Variants in TTN observed in about 807,000 individuals in gnomAD.
The protein encoded by TTN is connectin.
In TTN, 1,525 loss-of-function variants were observed where a neutral mutation model predicts 3,223.0. The observed-to-expected ratio is 0.47, with a 90% CI of 0.45 to 0.49. TTN has a LOEUF of 0.49. Ranked by LOEUF, TTN falls within the 20% of genes least tolerant of loss-of-function variation. TTN has a pLI of 0.00. For missense variants in TTN, 40,786 were observed against 43,424.0 expected, an observed-to-expected ratio of 0.94 and a Z score of 5.40; for synonymous variants, 14,094 against 15,161.0, an observed-to-expected ratio of 0.93 and a Z score of 5.17.
chr2:178,587,266 G>T lies in TTN; in HGVS notation c.63945C>A (p.Thr21315=), dbSNP rs780195785. The T allele has an allele frequency of 1.9e-6, 3 of 1,612,968 alleles. No individual in the cohort carries two copies. In the East Asian group the frequency reaches 6.7e-5, roughly 36 times the overall value. Residue 21315 remains threonine (T), a synonymous_variant, in exon 307 of 363, where the codon ACC becomes ACA. Coordinates refer to ENST00000589042, the MANE Select transcript of TTN (RefSeq NM_001267550.2). ...TTGTTTTCTTAACTTCTGGGGTAAC[G>T]GTCGACCATGTCTTTCTGTCTGCCT... ...KREADRKTWS[T]VTPEVKKTSF... is the part of the protein sequence containing the mutation.
Position 178,550,215 on chromosome 2 carries a change from T to A in TTN, c.91623A>T (p.Gly30541=). The change falls in exon 337 of 363, where the codon GGA becomes GGT. Residue 30541 remains glycine, a synonymous_variant. Transcript: ENST00000589042. ...EYFDGLIIKS[G]ESLRIKALVQ... ...CCAAAGCTTTAATTCTAAGGCTCTCTCCGGACTTAATAATGAGACCATCAA... is the reference window on the plus strand; with the variant it reads ...CCAAAGCTTTAATTCTAAGGCTCTCACCGGACTTAATAATGAGACCATCAA... The A allele has an allele frequency of 1.2e-6, 2 of 1,613,636 alleles. No homozygotes were observed. The highest frequency in any genetic ancestry group is 1.7e-6 in the Non-Finnish European group (2 of 1,179,684).
chr2:178,667,497 T>C lies in TTN; in HGVS notation c.35658A>G (p.Pro11886=), dbSNP rs1229739014. The C allele has an allele frequency of 6.3e-7, 1 of 1,598,602 alleles. No homozygotes were observed. The highest frequency in any genetic ancestry group is 8.5e-7 in the Non-Finnish European group (1 of 1,179,216). Residue 11886 remains proline, a synonymous_variant, in exon 161 of 363, where the codon CCA becomes CCG. Transcript: ENST00000589042. ...GAATAGTCACATATATTTTGTCTTCTGGAACAACTTTCTTGGGTGGCTCAG... is the reference window on the plus strand; with the variant it reads ...GAATAGTCACATATATTTTGTCTTCCGGAACAACTTTCTTGGGTGGCTCAG... ...KVPEPPKKVV[P]EDKIYVTIPK...
At position 178,549,277 on chromosome 2, in the gene TTN, A is replaced by G. The variant is rs548756476; in HGVS notation, c.92349T>C (p.Thr30783=). The G allele has an allele frequency of 1.2e-6, 2 of 1,613,942 alleles. No individual in the cohort carries two copies. The highest frequency in any genetic ancestry group is 1.1e-5 in the South Asian group (1 of 91,084). The change falls in exon 339 of 363, where the codon ACT becomes ACC. Residue 30783 remains threonine (T), a synonymous_variant. Coordinates refer to ENST00000589042, the MANE Select transcript of TTN (RefSeq NM_001267550.2). ...CATACTCATTGCCTTCTGTCAGACC[A>G]GTGACTTTGAATCTTGTTTCAGAGA... is the stretch of plus-strand genomic sequence containing the variant. The part of the protein sequence containing the change: ...RPISETRFKV[T]GLTEGNEYEF...
At chr2:178,780,630 G>A (rs976443438) in intron 21 of TTN, among the ~76,000 whole-genome samples, 2 of 152,228 alleles carry the variant, frequency 1.3e-5, no homozygotes, top group Non-Finnish European at 2.9e-5. Context: ...AGTCTAGCAT[G>A]AAAGCTGTTA....
At position 178,547,267 on chromosome 2, in the gene TTN, C is replaced by T. The variant is rs1697609809; in HGVS notation, c.94258G>A (p.Val31420Met). 6.2e-7 allele frequency: 1 copy of T among 1,613,430 alleles called. No individual in the cohort carries two copies. The highest frequency in any genetic ancestry group is 8.5e-7 in the Non-Finnish European group (1 of 1,179,486). Residue 31420 changes from valine to methionine, a missense_variant, in exon 340 of 363, where the codon GTG becomes ATG. Coordinates refer to ENST00000589042, the MANE Select transcript of TTN (RefSeq NM_001267550.2). Reference protein sequence around the residue: ...SAPTRPEVYHVSANAMSIRWE... With the variant: ...SAPTRPEVYHMSANAMSIRWE... ...CGAATAGACATGGCATTGGCAGACACATGGTAGACCTCAGGTCTGGTAGGA... is the reference window on the plus strand; with the variant it reads ...CGAATAGACATGGCATTGGCAGACATATGGTAGACCTCAGGTCTGGTAGGA...
rs759613472 is a variant in TTN, at chr2:178,593,229, A to G, written c.58979T>C (p.Ile19660Thr). 6.2e-7 allele frequency: 1 copy of G among 1,613,442 alleles called. No homozygotes were observed. The highest frequency in any genetic ancestry group is 8.5e-7 in the Non-Finnish European group (1 of 1,179,612). The change falls in exon 299 of 363, where the codon ATT becomes ACT. Residue 19660 changes from isoleucine to threonine, a missense_variant. Coordinates refer to ENST00000589042, the MANE Select transcript of TTN (RefSeq NM_001267550.2). ...TGGTGGGCTTGGATCTCCAATACCA[A>G]TTTCATTTTCTGCAGAAACCCGGAA... ...YEFRVSAENE[I>T]GIGDPSPPSK... is the part of the protein sequence containing the mutation.
rs1223885458 is a variant in TTN at position 178,543,250 on chromosome 2, G to C, written c.96723C>G (p.Ala32241=). 1 of 1,613,728 alleles carries C rather than the reference G, an allele frequency of 6.2e-7. No homozygotes were observed. The highest frequency in any genetic ancestry group is 1.3e-5 in the African/African-American group (1 of 74,984). The change falls in exon 347 of 363, where the codon GCC becomes GCG. Residue 32241 remains alanine, a synonymous_variant. Coordinates refer to ENST00000589042, the MANE Select transcript of TTN (RefSeq NM_001267550.2). ...TCCATCTCTCTGTGCCAGCTTTGCA[G>C]GCCTCGAGAACATATCCAGTGAGTC... ...GSRLTGYVLE[A]CKAGTERWMK... is the part of the protein sequence containing the mutation.
chr2:178,564,007 C>A lies in TTN; in HGVS notation c.82125G>T (p.Gly27375=), dbSNP rs1020962821. 25 of 1,613,592 alleles carry A rather than the reference C, an allele frequency of 1.5e-5. No individual in the cohort carries two copies. Among genetic ancestry groups the A allele is most frequent in the Non-Finnish European group, 1.9e-5 (23 of 1,179,732 alleles). Residue 27375 remains glycine, a synonymous_variant, in exon 326 of 363, where the codon GGG becomes GGT. Transcript: ENST00000589042. ...CAGTAACTCCAGTAACTTTCAGAGGCCCTTCAGGAGGCCCTGGCCTGTCAA... is the reference window on the plus strand; with the variant it reads ...CAGTAACTCCAGTAACTTTCAGAGGACCTTCAGGAGGCCCTGGCCTGTCAA... ...KVLDRPGPPE[G]PLKVTGVTAE...
intron 106 of TTN, 136 bp downstream of exon 106, chr2:178,704,011 T>C: frequency 2.7e-6 from 3 of 1,130,126 alleles, no homozygotes; most frequent in South Asian, 3.5e-5. Context: ...AGATGAATAC[T>C]ATGAGAACGT....
rs755563178 is a variant in TTN at position 178,581,908 on chromosome 2, T to C, written c.66461A>G (p.Gln22154Arg). 2 of 1,612,926 alleles carry C rather than the reference T, an allele frequency of 1.2e-6. No homozygotes were observed. The highest frequency in any genetic ancestry group is 1.7e-5 in the Admixed American group (1 of 59,932). ...GGAACTCGTTCATGAACACTTACACTGAGGGTCCCGAGCATAAGCGGCCTT... is the reference window on the plus strand; with the variant it reads ...GGAACTCGTTCATGAACACTTACACCGAGGGTCCCGAGCATAAGCGGCCTT... ...ASKAAYARDP[Q>R]YPPGPPAFPK... The change falls in exon 315 of 363, where the codon CAG becomes CGG. Residue 22154 changes from glutamine (Q) to arginine (R), a missense_variant and splice_region_variant. Transcript: ENST00000589042.
In TTN at chr2:178,604,056, G is replaced by A. The variant is rs727504192; in HGVS notation, c.54631C>T (p.Pro18211Ser). 1 of 1,612,770 alleles carries A rather than the reference G, an allele frequency of 6.2e-7. No individual in the cohort carries two copies. The highest frequency in any genetic ancestry group is 1.3e-5 in the African/African-American group (1 of 74,834). ...YWLEKREEGS[P>S]YWSRVSRAPI... ...GCTCGGCTAACACGTGACCAATAAG[G>A]ACTTCCCTCTTCTCTTTTCTCCAGC... Residue 18211 changes from proline to serine, a missense_variant, in exon 282 of 363, where the codon CCT (proline) becomes TCT (serine). Coordinates refer to ENST00000589042, the MANE Select transcript of TTN (RefSeq NM_001267550.2).
chr2:178,568,219 A>G lies in TTN; in HGVS notation c.77913T>C (p.Tyr25971=), dbSNP rs72648203. 111 of 1,613,416 alleles carry G rather than the reference A, an allele frequency of 6.9e-5. No homozygotes were observed. The highest frequency in any genetic ancestry group is 8.3e-5 in the Non-Finnish European group (98 of 1,179,602). The part of the protein sequence containing the change: ...YQFRIFAENR[Y]GQSFALESDP... ...CAGACTCTAAGGCAAAGCTTTGTCC[A>G]TATCTGTTTTCGGCAAATATTCTAA... The change falls in exon 326 of 363, where the codon TAT becomes TAC. Residue 25971 remains tyrosine (Y), a synonymous_variant. Transcript: ENST00000589042.
At position 178,582,533 on chromosome 2, in the gene TTN, G is replaced by C; in HGVS notation, c.65923C>G (p.Leu21975Val). The change falls in exon 314 of 363, where the codon CTT (leucine) becomes GTT (valine). Residue 21975 changes from leucine to valine, a missense_variant. By Grantham distance (32) the Leu-to-Val change is conservative. Coordinates refer to ENST00000589042, the MANE Select transcript of TTN (RefSeq NM_001267550.2). ...TCTTCAAGAGGCGGTTCCCAAGAAAGCATAGCACGATCTGAATACATTTTG... is the reference window on the plus strand; with the variant it reads ...TCTTCAAGAGGCGGTTCCCAAGAAACCATAGCACGATCTGAATACATTTTG... ...INKMYSDRAM[L>V]SWEPPLEDGG... is the part of the protein sequence containing the mutation. 6.2e-7 allele frequency: 1 copy of C among 1,612,900 alleles called. No homozygotes were observed. Among genetic ancestry groups the C allele is most frequent in the Non-Finnish European group, 8.5e-7 (1 of 1,179,264 alleles).
At position 178,702,632 on chromosome 2, in the gene TTN, C is replaced by G. The variant is rs1207728802; in HGVS notation, c.30255G>C (p.Gln10085His). The G allele has an allele frequency of 2.5e-6, 4 of 1,613,788 alleles. No individual in the cohort carries two copies. Among genetic ancestry groups the G allele is most frequent in the Non-Finnish European group, 3.4e-6 (4 of 1,179,838 alleles). Residue 10085 changes from glutamine (Q) to histidine (H), a missense_variant, in exon 107 of 363, where the codon CAG becomes CAC. Coordinates refer to ENST00000589042, the MANE Select transcript of TTN (RefSeq NM_001267550.2). ...ACTGATGCTCACTCACCACGATGTTCTGTATGCGCTTTGTAAACTGAATTG... is the reference window on the plus strand; with the variant it reads ...ACTGATGCTCACTCACCACGATGTTGTGTATGCGCTTTGTAAACTGAATTG... ...AEPIQFTKRI[Q>H]NIVVSEHQSA...
Position 178,529,082 on chromosome 2 carries a change from A to AT in TTN, c.106668dup (p.Ser35557IlefsTer18). Reference sequence around the variant, plus strand: ...TCTTTGAGGGCTAACTTTTCTTGAGATTTTGCCTCTGACATCTTAATTTCT... The same window carrying AT: ...TCTTTGAGGGCTAACTTTTCTTGAGATTTTTGCCTCTGACATCTTAATTTCT... On this transcript the variant is annotated frameshift_variant, in exon 360 of 363. Coordinates refer to ENST00000589042, the MANE Select transcript of TTN (RefSeq NM_001267550.2). LOFTEE classifies it high-confidence loss of function. The AT allele has an allele frequency of 6.2e-7, 1 of 1,612,968 alleles. No individual in the cohort carries two copies. Among genetic ancestry groups the AT allele is most frequent in the South Asian group, 1.1e-5 (1 of 90,994 alleles).
chr2:178,621,760 C>A lies in TTN; in HGVS notation c.45083-19G>T. ...TCTTCTTCTGCAAGCATTGAAAAAA[C>A]AAAAACCACATTGAGTTAAGCTGGA... is the stretch of plus-strand genomic sequence containing the variant. On this transcript the variant is annotated intron_variant, in intron 244 of 362. Coordinates refer to ENST00000589042, the MANE Select transcript of TTN (RefSeq NM_001267550.2). 1 of 1,608,048 alleles carries A rather than the reference C, an allele frequency of 6.2e-7. No homozygotes were observed. Among genetic ancestry groups the A allele is most frequent in the Non-Finnish European group, 8.5e-7 (1 of 1,177,798 alleles).
In TTN at chr2:178,729,912, A is replaced by T; in HGVS notation, c.18341T>A (p.Val6114Asp). 6.2e-7 allele frequency: 1 copy of T among 1,613,176 alleles called. No homozygotes were observed. The highest frequency in any genetic ancestry group is 2.2e-5 in the East Asian group (1 of 44,742). Reference protein sequence around the residue: ...PPQFIKKPSPVLVLRNGQSTT... With the variant: ...PPQFIKKPSPDLVLRNGQSTT... ...TGACTGTCCATTCCTCAGCACTAAGACTGGACTGGGCTTCTTAATGAATTG... is the reference window on the plus strand; with the variant it reads ...TGACTGTCCATTCCTCAGCACTAAGTCTGGACTGGGCTTCTTAATGAATTG... The change falls in exon 63 of 363, where the codon GTC becomes GAC. Residue 6114 changes from valine (V) to aspartate (D), a missense_variant. Physicochemically the swap from Val to Asp is radical, Grantham distance 152 (BLOSUM62 -3). Transcript: ENST00000589042.
chr2:178,802,434 G>C, intron 2 of TTN, 93 bp from the exon 3 acceptor site: 1 of 1,430,208 alleles, frequency 7.0e-7, no homozygotes. Context: ...GTCCGAATCT[G>C]TAAAAGCTTT....
intron 54 of TTN, 39 bp from the exon 55 acceptor site, chr2:178,733,160 A>G (rs777678457): frequency 6.4e-7 from 1 of 1,562,114 alleles, no homozygotes; most frequent in Non-Finnish European, 8.7e-7. Flanking sequence ...GTCAATATAG[A>G]AGAGTGCTCA....
Sources: allele counts gnomAD v4.1 joint callset (sites outside exome capture counted in the v4.1 genomes callset), GRCh38; gene constraint gnomAD v4.1.1; transcripts MANE v1.5; gene names NCBI Gene and HGNC (gene_info 2026-07-23, HGNC 2026-07-21).